Variants in ARHGEF2 observed in about 807,000 individuals in gnomAD.
The protein encoded by ARHGEF2 is Rho/Rac guanine nucleotide exchange factor 2.
In ARHGEF2, 22 loss-of-function variants were observed where a neutral mutation model predicts 121.0. The observed-to-expected ratio is 0.18, with a 90% confidence interval of 0.13 to 0.26. The LOEUF is 0.26. ARHGEF2 is among the 10% of genes least tolerant of loss of function. ARHGEF2 has a pLI of 1.00. For synonymous variants in ARHGEF2, 487 were observed against 530.0 expected (o/e 0.92, Z 1.11); for missense variants, 907 against 1,336.0 (o/e 0.68, Z 5.01).
Position 155,962,864 on chromosome 1 carries a change from C to T in ARHGEF2, c.975+69G>A. 1 of 1,605,178 alleles carries T rather than the reference C, an allele frequency of 6.2e-7. No individual in the cohort carries two copies. ...TCCCCTCCAACCCCTAGAATTTGGACCCAAGAAATGCCCAACCCAGTCACA... is the reference window on the plus strand; with the variant it reads ...TCCCCTCCAACCCCTAGAATTTGGATCCAAGAAATGCCCAACCCAGTCACA... On this transcript the variant is annotated intron_variant, in intron 8 of 21. Transcript: ENST00000361247. This position sits in a 1 kb window ranked among gnomAD's most constrained non-coding sequence, Gnocchi z 5.8.
Position 155,951,529 on chromosome 1 carries a change from G to A in ARHGEF2, c.2213C>T (p.Ala738Val), listed in dbSNP as rs138090439. Reference sequence around the variant, plus strand: ...ATAGAGATTGACCAATCGCTGTAACGCCTCCTGAGGACAGACAGGGTGGGA... The same window carrying A: ...ATAGAGATTGACCAATCGCTGTAACACCTCCTGAGGACAGACAGGGTGGGA... ...GNQLRSPQEEALQRLVNLYGL... is the reference protein window; with the variant it reads ...GNQLRSPQEEVLQRLVNLYGL... Residue 738 changes from alanine (A) to valine (V), a missense_variant, in exon 19 of 22, where the codon GCG becomes GTG. Coordinates refer to ENST00000361247, the MANE Select transcript of ARHGEF2 (RefSeq NM_001162383.2). The surrounding 1 kb of genome is among the most constrained non-coding windows in gnomAD (Gnocchi z 5.1). 2.1e-4 allele frequency: 338 copies of A among 1,614,124 alleles called. No homozygotes were observed. In the African/African-American group the frequency reaches 2.9e-3, roughly 14 times the overall value.
At chr1:155,954,142 A>C (rs1050907060) in intron 14 of ARHGEF2, among the ~76,000 whole-genome samples, 2 of 101,260 alleles carry the variant, frequency 2.0e-5, no homozygotes, top group Non-Finnish European at 4.6e-5. Context: ...TTTTTTTTTA[A>C]TTTTTTGTAG....
Position 155,948,222 on chromosome 1 carries a change from C to T in ARHGEF2, c.2888-207G>A, listed in dbSNP as rs555054618. 5.3e-5 allele frequency among the ~76,000 whole-genome samples: 8 copies of T among 152,348 alleles called. No homozygotes were observed. In the East Asian group the frequency reaches 1.5e-3, roughly 29 times the overall value. On this transcript the variant is annotated intron_variant, in intron 21 of 21. Transcript: ENST00000361247. ...TACCTAGGTACCGGATACACTTTTACAGTATCCAAAGATACAATTTGATTA... is the reference window on the plus strand; with the variant it reads ...TACCTAGGTACCGGATACACTTTTATAGTATCCAAAGATACAATTTGATTA...
At chr1:155,948,156 T>C (rs1674694748) in intron 21 of ARHGEF2, 141 bp from the exon 22 acceptor site, 1 of 609,322 alleles carries the variant, frequency 1.6e-6, no homozygotes, top group East Asian at 3.1e-5. Flanking sequence ...AATTCTTGGG[T>C]GAGAGGAAAA....
chr1:155,954,429 A>G (rs189947856), intron 14 of ARHGEF2, among the ~76,000 whole-genome samples: 4 of 143,516 alleles, frequency 2.8e-5, no homozygotes, highest in Admixed American at 7.1e-5. Context: ...GACTACAGGC[A>G]CCCGCCACCA....
At chr1:155,964,825 G>A (rs554616540) in intron 7 of ARHGEF2, among the ~76,000 whole-genome samples, 163 bp downstream of exon 7, 1 of 150,876 alleles carries the variant, frequency 6.6e-6, no homozygotes, top group Non-Finnish European at 1.5e-5. Flanking sequence ...CCTGGGAGGT[G>A]GAGGCTGCAG....
At chr1:155,953,716 C>CA (rs1280415391) in intron 14 of ARHGEF2, among the ~76,000 whole-genome samples, 1 of 145,136 alleles carries the variant, frequency 6.9e-6, no homozygotes, top group Non-Finnish European at 1.5e-5. Flanking sequence ...CACTGCACTC[C>CA]ACCCTGGGCG....
At position 155,947,301 on chromosome 1, in the gene ARHGEF2, CA is replaced by C. The variant is rs1447711437; in HGVS notation, c.*640del. 1.3e-5 allele frequency: 6 copies of C among 449,752 alleles called. No individual in the cohort carries two copies. The highest frequency in any genetic ancestry group is 2.7e-5 in the Non-Finnish European group (6 of 224,082). The allele number at this position is 449,752 out of a possible 1,614,324, so 27.9% of individuals were successfully genotyped here. A position where few individuals can be genotyped will look rare whatever the true frequency, so the allele number is the denominator to read the frequency against. The stretch of plus-strand genomic sequence containing the variant: ...TCTGGTCCCTGTGGGTTTTTTCCCT[CA>C]CCCCCAACAAACCATTATGGCCACC... On this transcript the variant is annotated 3_prime_UTR_variant, in exon 22 of 22. Coordinates refer to ENST00000361247, the MANE Select transcript of ARHGEF2 (RefSeq NM_001162383.2).
At position 155,962,763 on chromosome 1, in the gene ARHGEF2, C is replaced by T. The variant is rs1678234501; in HGVS notation, c.976-45G>A. On this transcript the variant is annotated intron_variant, in intron 8 of 21. Transcript: ENST00000361247. This position sits in a 1 kb window ranked among gnomAD's most constrained non-coding sequence, Gnocchi z 5.8. ...GGTTAGGTCAGCATTCCCCCAAAGC[C>T]ACACTTTACCCACTGGACACACCTC... 17 of 1,612,120 alleles carry T rather than the reference C, an allele frequency of 1.1e-5. No individual in the cohort carries two copies. Among genetic ancestry groups the T allele is most frequent in the East Asian group, 8.9e-5 (4 of 44,890 alleles).
intron 2 of ARHGEF2, chr1:155,968,952 C>A (rs1227863244): frequency 1.6e-6 from 1 of 608,184 alleles, no homozygotes; most frequent in Non-Finnish European, 2.8e-6. Flanking sequence ...CCCAGATAGT[C>A]CGGCTTATGC....
rs565904109 is a variant in ARHGEF2 at position 155,971,525 on chromosome 1, G to A, written c.64-2225C>T. On this transcript the variant is annotated intron_variant, in intron 1 of 21. Coordinates refer to ENST00000361247, the MANE Select transcript of ARHGEF2 (RefSeq NM_001162383.2). ...ACCGGGGAGGTTGGAGGTTGTGGTGGGTTGAGATTGGGCCACTGCACTCCA... is the reference window on the plus strand; with the variant it reads ...ACCGGGGAGGTTGGAGGTTGTGGTGAGTTGAGATTGGGCCACTGCACTCCA... Among the ~76,000 whole-genome samples, 5 of 148,690 alleles carry A rather than the reference G, an allele frequency of 3.4e-5. No homozygotes were observed. The Admixed American group carries it at 3.5e-4, about 10-fold the overall frequency.
chr1:155,969,648 T>C (rs1680095367), intron 1 of ARHGEF2: 1 of 1,115,656 alleles, frequency 9.0e-7, no homozygotes, highest in African/African-American at 1.6e-5. Flanking sequence ...GCTGCTGTAC[T>C]CTCTTCTCTG....
In ARHGEF2 at chr1:155,947,056, C is replaced by T. The variant is rs1179880569; in HGVS notation, c.*886G>A. The T allele has an allele frequency of 5.3e-6, 1 of 187,068 alleles. No homozygotes were observed. Among genetic ancestry groups the T allele is most frequent in the Non-Finnish European group, 1.1e-5 (1 of 87,672 alleles). The allele number at this position is 187,068 out of a possible 1,614,324, so 11.6% of individuals were successfully genotyped here. On this transcript the variant is annotated 3_prime_UTR_variant, in exon 22 of 22. Transcript: ENST00000361247. ...CAGGGCTCTTGGAGATTTTCCAACC[C>T]ACCCTAGAACTTGTTTCTAAATGGC...
intron 13 of ARHGEF2, among the ~76,000 whole-genome samples, chr1:155,956,014 A>G (rs1212543949): frequency 1.3e-5 from 2 of 151,894 alleles, no homozygotes; most frequent in Admixed American, 6.6e-5. Context: ...GGCCACAATT[A>G]TAAATATTAA....
chr1:155,954,101 A>G (rs1286609438), intron 14 of ARHGEF2, among the ~76,000 whole-genome samples: 6 of 149,568 alleles, frequency 4.0e-5, no homozygotes, highest in Non-Finnish European at 8.9e-5. Flanking sequence ...AGCCAGGACT[A>G]CAGGTGTGTA....
chr1:155,963,119 C>T lies in ARHGEF2; in HGVS notation c.789G>A (p.Thr263=), dbSNP rs1287333745. 6 of 1,613,950 alleles carry T rather than the reference C, an allele frequency of 3.7e-6. No homozygotes were observed. Among genetic ancestry groups the T allele is most frequent in the Middle Eastern group, 3.3e-4 (2 of 6,060 alleles). The change falls in exon 8 of 22, where the codon ACG becomes ACA. Residue 263 remains threonine (T), a synonymous_variant. Transcript: ENST00000361247. Reference sequence around the variant, plus strand: ...CCAAGTGTAGCTCTTCCAGCATCCCCGTGCGGAAGAGGCGGGTCATGATCT... The same window carrying T: ...CCAAGTGTAGCTCTTCCAGCATCCCTGTGCGGAAGAGGCGGGTCATGATCT... ...TLKIMTRLFR[T]GMLEELHLEP... is the part of the protein sequence containing the mutation.
chr1:155,958,307 A>G lies in ARHGEF2; in HGVS notation c.1545+13T>C, dbSNP rs761592592. ...TTGTCTGTGCTGAGAAAGGTGAAGA[A>G]TGAATGTCTCACCAGGGTAGGAAAG... is the stretch of plus-strand genomic sequence containing the variant. On this transcript the variant is annotated intron_variant, in intron 12 of 21. Coordinates refer to ENST00000361247, the MANE Select transcript of ARHGEF2 (RefSeq NM_001162383.2). 6.2e-7 allele frequency: 1 copy of G among 1,607,558 alleles called. No individual in the cohort carries two copies. Among genetic ancestry groups the G allele is most frequent in the South Asian group, 1.1e-5 (1 of 90,868 alleles).
chr1:155,978,062 C>T lies in ARHGEF2; in HGVS notation c.63+303G>A. On this transcript the variant is annotated intron_variant, in intron 1 of 21. Coordinates refer to ENST00000361247, the MANE Select transcript of ARHGEF2 (RefSeq NM_001162383.2). This position sits in a 1 kb window ranked among gnomAD's most constrained non-coding sequence, Gnocchi z 4.1. ...ACACCTCCCTCTTCCCGCTCCGTCC[C>T]TTACCGGAGCAACTTTCTTTCAAGC... The T allele has an allele frequency of 8.8e-7, 1 of 1,142,604 alleles. No individual in the cohort carries two copies. The highest frequency in any genetic ancestry group is 1.1e-6 in the Non-Finnish European group (1 of 929,014). The allele number at this position is 1,142,604 out of a possible 1,614,324, so 70.8% of individuals were successfully genotyped here.
Position 155,961,787 on chromosome 1 carries a change from G to A in ARHGEF2, c.1342C>T (p.Arg448Cys), listed in dbSNP as rs369278776. 3.7e-6 allele frequency: 6 copies of A among 1,614,216 alleles called. No individual in the cohort carries two copies. Among genetic ancestry groups the A allele is most frequent in the African/African-American group, 1.3e-5 (1 of 75,044 alleles). The change falls in exon 11 of 22, where the codon CGC becomes TGC. Residue 448 changes from arginine (R) to cysteine (C), a missense_variant. Around this residue, in one of 2 missense-constraint regions of ARHGEF2, gnomAD observed 475 missense variants for 776.5 expected, o/e 0.61. Coordinates refer to ENST00000361247, the MANE Select transcript of ARHGEF2 (RefSeq NM_001162383.2). This position sits in a 1 kb window ranked among gnomAD's most constrained non-coding sequence, Gnocchi z 4.7. The part of the protein sequence containing the change: ...KGARLQEIYN[R>C]MDPRAQTPVP... ...GGGGTTTGGGCCCGAGGGTCCATGC[G>A]GTTGTAGATCTCCTGCAGACGGGCC...
Sources: allele counts gnomAD v4.1 joint callset (sites outside exome capture counted in the v4.1 genomes callset), GRCh38; gene constraint gnomAD v4.1.1; regional missense constraint gnomAD v4.1.1; non-coding constraint Gnocchi (gnomAD v3.1); transcripts MANE v1.5; gene names NCBI Gene and HGNC (gene_info 2026-07-23, HGNC 2026-07-21).